SLC26A11: variants seen among roughly 807,000 people sequenced by gnomAD.
SLC26A11 encodes solute carrier family 26 member 11, also known as sodium-independent sulfate anion transporter.
In SLC26A11, 58 loss-of-function variants were observed where a neutral mutation model predicts 62.2. The ratio of observed to expected loss-of-function variants is 0.93; its 90% CI spans 0.76 to 1.16. SLC26A11 has a LOEUF of 1.16. Ranked by LOEUF, SLC26A11 falls within the 50% of genes most tolerant of loss-of-function variation. SLC26A11 has a pLI of 0.00. For synonymous variants in SLC26A11, 411 were observed against 368.9 expected, an observed-to-expected ratio of 1.11 and a Z score of -1.31; for missense variants, 790 against 794.3, an observed-to-expected ratio of 0.99 and a Z score of 0.06.
chr17:80,237,629 A>C (rs1373532488), intron 9 of SLC26A11, 35 bp downstream of exon 9: 1 of 1,597,320 alleles, frequency 6.3e-7, no homozygotes, highest in Admixed American at 1.7e-5. Context: ...CAGGTCTCCC[A>C]GTGCGCCGGC....
chr17:80,224,260 T>A (rs1318366669), intron 5 of SLC26A11, among the ~76,000 whole-genome samples: 1 of 147,078 alleles, frequency 6.8e-6, no homozygotes, highest in Non-Finnish European at 1.5e-5. Flanking sequence ...TGTGTGAGTG[T>A]GTGCGTGTGT....
At position 80,238,564 on chromosome 17, in the gene SLC26A11, G is replaced by A. The variant is rs1019190733; in HGVS notation, c.985+970G>A. Among the ~76,000 whole-genome samples, 89 of 152,036 alleles carry A rather than the reference G, an allele frequency of 5.9e-4. 1 individual carries two copies. The highest frequency in any genetic ancestry group is 1.9e-4 in the Non-Finnish European group (13 of 68,024). ...CTCTAGATTCCCTCCTTGCAGCTCC[G>A]TCCTTCACTCGCTCCACTCCTGCCA... On this transcript the variant is annotated intron_variant, in intron 9 of 17. Transcript: ENST00000361193.
chr17:80,246,756 C>A lies in SLC26A11; in HGVS notation c.1294+107C>A, dbSNP rs2043010493. ...TGCAGCCCCCTCTGTGGGGCTGGGA[C>A]TGGGAAGTTAGGGCAGTCCCGGAAC... On this transcript the variant is annotated intron_variant, in intron 13 of 17. Transcript: ENST00000361193. The surrounding 1 kb of genome is among the most constrained non-coding windows in gnomAD (Gnocchi z 4.4). 9.7e-6 allele frequency: 14 copies of A among 1,442,934 alleles called. No individual in the cohort carries two copies. In the South Asian group the frequency reaches 1.7e-4, roughly 18 times the overall value. The allele number at this position is 1,442,934 out of a possible 1,614,324, so 89.4% of individuals were successfully genotyped here.
Position 80,246,976 on chromosome 17 carries a change from G to T in SLC26A11, c.1294+327G>T, listed in dbSNP as rs1264977474. On this transcript the variant is annotated intron_variant, in intron 13 of 17. Transcript: ENST00000361193. This position sits in a 1 kb window ranked among gnomAD's most constrained non-coding sequence, Gnocchi z 4.4. ...AGCCACCACTCTGCCCGGCCCAGCTGGGGGAGGGACAGGAGACGTCCCTGG... is the reference window on the plus strand; with the variant it reads ...AGCCACCACTCTGCCCGGCCCAGCTTGGGGAGGGACAGGAGACGTCCCTGG... 1.3e-5 allele frequency among the ~76,000 whole-genome samples: 2 copies of T among 151,914 alleles called. No homozygotes were observed. Among genetic ancestry groups the T allele is most frequent in the Non-Finnish European group, 1.5e-5 (1 of 67,976 alleles).
chr17:80,246,586 A>T lies in SLC26A11; in HGVS notation c.1231A>T (p.Ile411Phe). 1 of 1,614,016 alleles carries T rather than the reference A, an allele frequency of 6.2e-7. No individual in the cohort carries two copies. The highest frequency in any genetic ancestry group is 8.5e-7 in the Non-Finnish European group (1 of 1,180,024). ...YIPKSALAAV[I>F]IMAVAPLFDT... is the part of the protein sequence containing the mutation. ...CCCCAAGTCTGCCCTGGCTGCCGTC[A>T]TCATCATGGCCGTGGCCCCGCTGTT... The change falls in exon 13 of 18, where the codon ATC (isoleucine) becomes TTC (phenylalanine). Residue 411 changes from isoleucine (I) to phenylalanine (F), a missense_variant. Coordinates refer to ENST00000361193, the MANE Select transcript of SLC26A11 (RefSeq NM_001166347.2). The surrounding 1 kb of genome is among the most constrained non-coding windows in gnomAD (Gnocchi z 4.4).
At chr17:80,233,584 A>T (rs1479818720) in intron 7 of SLC26A11, among the ~76,000 whole-genome samples, 83 of 142,412 alleles carry the variant, frequency 5.8e-4, no homozygotes, top group African/African-American at 1.7e-3. Flanking sequence ...CTCTTTCAGC[A>T]TTTTTTTTTT....
At position 80,243,429 on chromosome 17, in the gene SLC26A11, C is replaced by T. The variant is rs149119030; in HGVS notation, c.1036+1608C>T. Among the ~76,000 whole-genome samples the T allele has an allele frequency of 2.0e-5, 3 of 149,676 alleles. No individual in the cohort carries two copies. The East Asian group carries it at 5.8e-4, about 29-fold the overall frequency. On this transcript the variant is annotated intron_variant, in intron 10 of 17. Transcript: ENST00000361193. ...TTATTATTATTTGAGACGGAATCTT[C>T]CTCTGTCGCCCAGGCTGGAGTGCAG...
rs2042269242 is a variant in SLC26A11, at chr17:80,223,068, A to G, written c.428-184A>G. 2 of 727,360 alleles carry G rather than the reference A, an allele frequency of 2.7e-6. No homozygotes were observed. The highest frequency in any genetic ancestry group is 4.6e-6 in the Non-Finnish European group (2 of 434,106). The allele number at this position is 727,360 out of a possible 1,614,324, so 45.1% of individuals were successfully genotyped here. ...CACTTGGAGAAGTGCCTGTGGCCTC[A>G]GACCCCAGTCTCCCTTTTCTGCTCT... On this transcript the variant is annotated intron_variant, in intron 4 of 17. Transcript: ENST00000361193. This position sits in a 1 kb window ranked among gnomAD's most constrained non-coding sequence, Gnocchi z 4.6.
At chr17:80,233,159 G>A (rs1402731469) in intron 7 of SLC26A11, among the ~76,000 whole-genome samples, 1 of 152,010 alleles carries the variant, frequency 6.6e-6, no homozygotes, top group African/African-American at 2.4e-5. Context: ...TGAGGTGGGA[G>A]GATTGCTTGA....
rs1267795326 is a variant in SLC26A11 at position 80,228,932 on chromosome 17, C to G, written c.736+972C>G. Among the ~76,000 whole-genome samples the G allele has an allele frequency of 1.3e-5, 2 of 151,844 alleles. No homozygotes were observed. Among genetic ancestry groups the G allele is most frequent in the Non-Finnish European group, 2.9e-5 (2 of 67,910 alleles). On this transcript the variant is annotated intron_variant, in intron 7 of 17. Transcript: ENST00000361193. This position sits in a 1 kb window ranked among gnomAD's most constrained non-coding sequence, Gnocchi z 4.1. ...GGGCTGTCAGCAGGTGAAGGACCAC[C>G]CTGGGGGAGGTGGAAGCCTCTTCTC...
Position 80,225,887 on chromosome 17 carries a change from C to G in SLC26A11, c.564C>G (p.Tyr188Ter), listed in dbSNP as rs1208473402. 1 of 1,613,946 alleles carries G rather than the reference C, an allele frequency of 6.2e-7. No homozygotes were observed. The highest frequency in any genetic ancestry group is 1.7e-5 in the Admixed American group (1 of 60,006). Residue 188 changes from tyrosine (Y) to a stop codon, truncating the protein, a stop_gained, in exon 6 of 18, where the codon TAC (tyrosine) becomes TAG (stop). Transcript: ENST00000361193. LOFTEE classifies it high-confidence loss of function. Reference sequence around the variant, plus strand: ...CCAGGCCGTTCTTCCTGCAGGTGTACCACACCTTCCTCAGGATTGCAGAGA... The same window carrying G: ...CCAGGCCGTTCTTCCTGCAGGTGTAGCACACCTTCCTCAGGATTGCAGAGA... ...NIPRPFFLQV[Y>*]HTFLRIAETR...
intron 5 of SLC26A11, among the ~76,000 whole-genome samples, chr17:80,224,400 TGTGAGAGTGA>T (rs1321620439): frequency 2.3e-4 from 34 of 145,322 alleles, no homozygotes; most frequent in African/African-American, 8.2e-4. Context: ...AGTGTATGAG[TGTGAGAGTGA>T]GTGTGAGTGA....
chr17:80,232,315 C>T lies in SLC26A11; in HGVS notation c.736+4355C>T, dbSNP rs113064885. ...TGTTGCCCAGGCTGGAGTGCAATGG[C>T]GTGATCTTGGCTCACTGCAACCTCC... On this transcript the variant is annotated intron_variant, in intron 7 of 17. Transcript: ENST00000361193. Among the ~76,000 whole-genome samples, 627 of 151,678 alleles carry T rather than the reference C, an allele frequency of 4.1e-3. 6 individuals carry two copies. The highest frequency in any genetic ancestry group is 0.012 in the African/African-American group (515 of 41,334).
intron 7 of SLC26A11, among the ~76,000 whole-genome samples, chr17:80,235,075 C>T (rs568859897): frequency 6.6e-5 from 10 of 152,256 alleles, no homozygotes; most frequent in African/African-American, 2.2e-4. Flanking sequence ...GTCTCGAATT[C>T]CTGACTTCAG....
chr17:80,236,563 G>A (rs1001664798), intron 7 of SLC26A11, among the ~76,000 whole-genome samples: 10 of 152,210 alleles, frequency 6.6e-5, no homozygotes, highest in African/African-American at 2.4e-4. Context: ...GGAGGCCATT[G>A]TTTCTGTTGT....
Position 80,223,282 on chromosome 17 carries a change from TC to T in SLC26A11, c.459del (p.Ile154LeufsTer46). 6.2e-7 allele frequency: 1 copy of T among 1,614,118 alleles called. No individual in the cohort carries two copies. The highest frequency in any genetic ancestry group is 2.2e-5 in the East Asian group (1 of 44,876). On this transcript the variant is annotated frameshift_variant, in exon 5 of 18. Transcript: ENST00000361193. LOFTEE classifies it high-confidence loss of function. This position sits in a 1 kb window ranked among gnomAD's most constrained non-coding sequence, Gnocchi z 4.6. ...CTGCTGGACTTCATTTCCTACCCCG[TC>T]ATTAAAGGCTTCACCTCTGCTGCTG... ...GFLLDFISYP[V>X]IKGFTSAAAV...
rs2043196382 is a variant in SLC26A11 at position 80,253,407 on chromosome 17, A to T, written c.*691A>T. The T allele has an allele frequency of 6.6e-6, 1 of 152,180 alleles. No individual in the cohort carries two copies. The highest frequency in any genetic ancestry group is 2.4e-5 in the African/African-American group (1 of 41,424). 9.4% of individuals were successfully genotyped at this position (152,180 alleles called of 1,614,324 possible). A position where few individuals can be genotyped will look rare whatever the true frequency, so the allele number is the denominator to read the frequency against. ...ATGTTTACAGTTCTACATAAATGGG[A>T]TCATTTTATACATGGTGCTCTGGAA... is the stretch of plus-strand genomic sequence containing the variant. On this transcript the variant is annotated 3_prime_UTR_variant, in exon 18 of 18. Coordinates refer to ENST00000361193, the MANE Select transcript of SLC26A11 (RefSeq NM_001166347.2).
At chr17:80,240,480 A>G (rs2042830713) in intron 9 of SLC26A11, among the ~76,000 whole-genome samples, 1 of 151,966 alleles carries the variant, frequency 6.6e-6, no homozygotes, top group Non-Finnish European at 1.5e-5. Context: ...CAGTCATCTC[A>G]ACTGGTCATA....
At chr17:80,245,158 C>A in intron 10 of SLC26A11, 38 bp from the exon 11 acceptor site, 1 of 1,601,920 alleles carries the variant, frequency 6.2e-7, no homozygotes, top group Non-Finnish European at 8.6e-7. Flanking sequence ...TCCTGTGTGC[C>A]TTCCCTCCAC....
Sources: allele counts gnomAD v4.1 joint callset (sites outside exome capture counted in the v4.1 genomes callset), GRCh38; gene constraint gnomAD v4.1.1; non-coding constraint Gnocchi (gnomAD v3.1); transcripts MANE v1.5; gene names NCBI Gene and HGNC (gene_info 2026-07-23, HGNC 2026-07-21).